GSE1: variants seen among roughly 807,000 people sequenced by gnomAD.
The protein encoded by GSE1 is genetic suppressor element 1.
In GSE1, 32 loss-of-function variants were observed where a neutral mutation model predicts 112.6. The observed-to-expected ratio is 0.28, with a 90% CI of 0.21 to 0.38. The LOEUF (loss-of-function observed/expected upper bound fraction) is 0.38. Ranked by LOEUF, GSE1 falls within the 10% of genes least tolerant of loss-of-function variation. The pLI, the probability that GSE1 is intolerant of heterozygous loss-of-function variation, is 1.00. For synonymous variants in GSE1, 1,115 were observed against 735.6 expected, an observed-to-expected ratio of 1.52 and a Z score of -8.35; for missense variants, 2,348 against 1,699.2, an observed-to-expected ratio of 1.38 and a Z score of -6.71.
At chr16:85,437,785 G>T (rs1282622689) in intron 2 of GSE1, among the ~76,000 whole-genome samples, 3 of 152,144 alleles carry the variant, frequency 2.0e-5, no homozygotes, top group Non-Finnish European at 4.4e-5. Flanking sequence ...GAACACCACC[G>T]CCTAGAGCTA....
At chr16:85,218,083 G>A (rs1167508141) in intron 1 of GSE1, among the ~76,000 whole-genome samples, 1 of 151,972 alleles carries the variant, frequency 6.6e-6, no homozygotes, top group Non-Finnish European at 1.5e-5. Context: ...TGTATTTTTA[G>A]TAGAGATGGG....
chr16:85,491,620 C>T (rs1205323490), intron 2 of GSE1, among the ~76,000 whole-genome samples: 3 of 151,994 alleles, frequency 2.0e-5, no homozygotes, highest in East Asian at 1.9e-4. Context: ...TGGGCTCAGG[C>T]GGGGTCATGG....
Position 85,663,007 on chromosome 16 carries a change from T to TA in GSE1, c.2288dup (p.Tyr763Ter). Residue 763 changes from tyrosine (Y) to a stop codon, truncating the protein, a stop_gained and frameshift_variant, in exon 10 of 16, where the codon TAC becomes TAAC. Coordinates refer to ENST00000253458, the MANE Select transcript of GSE1 (RefSeq NM_014615.5). LOFTEE classifies it high-confidence loss of function. ...GTACTACTACGACCTCGATGACTCTTACGACGAGAGCGATGAGGAGGAGGT... is the reference window on the plus strand; with the variant it reads ...GTACTACTACGACCTCGATGACTCTTAACGACGAGAGCGATGAGGAGGAGGT... ...KGYYYDLDDS[Y>*]DESDEEEVRA... 6.2e-7 allele frequency: 1 copy of TA among 1,612,644 alleles called. No individual in the cohort carries two copies. Among genetic ancestry groups the TA allele is most frequent in the Non-Finnish European group, 8.5e-7 (1 of 1,179,114 alleles).
intron 14 of GSE1, 114 bp from the exon 15 acceptor site, chr16:85,670,880 GC>G: frequency 1.5e-6 from 1 of 677,716 alleles, no homozygotes; most frequent in South Asian, 1.7e-5. Flanking sequence ...GCCTTCGCTG[GC>G]TGCACTGGAG....
At chr16:85,539,428 C>A (rs953169030) in intron 2 of GSE1, among the ~76,000 whole-genome samples, 5 of 152,198 alleles carry the variant, frequency 3.3e-5, no homozygotes, top group African/African-American at 1.2e-4. Context: ...ACAAAAGCTG[C>A]CTGTTCAGCT....
chr16:85,311,520 G>C lies in GSE1; in HGVS notation c.2284-45943G>C, dbSNP rs1030846661. Among the ~76,000 whole-genome samples, 3 of 150,088 alleles carry C rather than the reference G, an allele frequency of 2.0e-5. No individual in the cohort carries two copies. Among genetic ancestry groups the C allele is most frequent in the Non-Finnish European group, 3.0e-5 (2 of 67,498 alleles). On this transcript the variant is annotated intron_variant, in intron 1 of 2. Coordinates refer to the GSE1 transcript ENST00000637419. This position sits in a 1 kb window ranked among gnomAD's most constrained non-coding sequence, Gnocchi z 4.2. The stretch of plus-strand genomic sequence containing the variant: ...GACATTGGGGAGGGAGGGAGGGAGG[G>C]AAGGAGGTGCCGGGGTGCTCACCTT...
At chr16:85,539,669 G>A (rs17801962) in intron 2 of GSE1, among the ~76,000 whole-genome samples, 27,135 of 152,110 alleles carry the variant, frequency 0.18, 3,057 homozygotes, top group Middle Eastern at 0.27. Flanking sequence ...TAGCGCCTGC[G>A]TTCACACAGA....
intron 1 of GSE1, among the ~76,000 whole-genome samples, chr16:85,323,559 G>C (rs2046161632): frequency 6.6e-6 from 1 of 152,142 alleles, no homozygotes. Context: ...GCTCGCGGGA[G>C]GTGAGGTGGG....
At chr16:85,570,868 C>T (rs2045953734) in intron 1 of GSE1, among the ~76,000 whole-genome samples, 1 of 152,184 alleles carries the variant, frequency 6.6e-6, no homozygotes, top group Non-Finnish European at 1.5e-5. Flanking sequence ...GCCACTGACT[C>T]CAAGTTTCTG....
rs1472895120 is a variant in GSE1 at position 85,674,488 on chromosome 16, AAACT to A, written c.*1951_*1954del. The A allele has an allele frequency of 1.3e-5, 2 of 152,338 alleles. No homozygotes were observed. Among genetic ancestry groups the A allele is most frequent in the Non-Finnish European group, 2.9e-5 (2 of 68,050 alleles). The allele number at this position is 152,338 out of a possible 1,614,324, so 9.4% of individuals were successfully genotyped here. ...CAGGTGTTCAGAGGGAGTCTGCTAC[AAACT>A]ATCAGGGCAAAATCTCACTGGATTT... On this transcript the variant is annotated 3_prime_UTR_variant, in exon 16 of 16. Coordinates refer to ENST00000253458, the MANE Select transcript of GSE1 (RefSeq NM_014615.5).
chr16:85,353,604 C>G (rs899233381), intron 1 of GSE1, among the ~76,000 whole-genome samples: 1 of 152,174 alleles, frequency 6.6e-6, no homozygotes, highest in Admixed American at 6.5e-5. Flanking sequence ...GAAGCTGAGG[C>G]AGGAGGATCA....
At chr16:85,581,341 A>G (rs934695784) in intron 1 of GSE1, among the ~76,000 whole-genome samples, 10 of 152,160 alleles carry the variant, frequency 6.6e-5, no homozygotes, top group South Asian at 2.1e-4. Context: ...TGGGACCTTG[A>G]TGTCTTCAGG....
At chr16:85,173,471 A>G (rs567290176) in intron 1 of GSE1, among the ~76,000 whole-genome samples, 21 of 152,286 alleles carry the variant, frequency 1.4e-4, no homozygotes, top group African/African-American at 4.8e-4. Flanking sequence ...GATGCTTGAC[A>G]TATAGTGGGA....
intron 1 of GSE1, among the ~76,000 whole-genome samples, chr16:85,219,527 A>G (rs548111645): frequency 1.3e-5 from 2 of 151,918 alleles, no homozygotes; most frequent in East Asian, 2.0e-4. Flanking sequence ...ACCACCTTGC[A>G]CTCTCTAGAA....
intron 2 of GSE1, among the ~76,000 whole-genome samples, chr16:85,525,277 C>T (rs1052776721): frequency 6.6e-6 from 1 of 152,132 alleles, no homozygotes; most frequent in East Asian, 1.9e-4. Flanking sequence ...GTGAGGTGAC[C>T]GCCGGGGGCA....
Position 85,194,199 on chromosome 16 carries a change from C to T in GSE1, c.2283+22392C>T, listed in dbSNP as rs374276885. Among the ~76,000 whole-genome samples, 178 of 152,228 alleles carry T rather than the reference C, an allele frequency of 1.2e-3. 1 individual carries two copies. The Middle Eastern group carries it at 0.014, about 12-fold the overall frequency. ...TTGCTGCTGTTCTTGGACTCCGTGT[C>T]CGGGCGCCCTTGTGGTCTCTGCTGC... On this transcript the variant is annotated intron_variant, in intron 1 of 2. Transcript: ENST00000637419.
Position 85,656,652 on chromosome 16 carries a change from C to G in GSE1, c.1299C>G (p.Thr433=). The change falls in exon 7 of 16, where the codon ACC becomes ACG. Residue 433 remains threonine, a synonymous_variant. Transcript: ENST00000253458. ...GGGGCAAGCCCTCGGAGCAGCTGACCCCAACCCGAGCAGGTACCTGGGCGT... is the reference window on the plus strand; with the variant it reads ...GGGGCAAGCCCTCGGAGCAGCTGACGCCAACCCGAGCAGGTACCTGGGCGT... The part of the protein sequence containing the change: ...EERGKPSEQL[T]PTRAEKLKDA... 1 of 1,521,926 alleles carries G rather than the reference C, an allele frequency of 6.6e-7. No individual in the cohort carries two copies. The highest frequency in any genetic ancestry group is 1.2e-5 in the South Asian group (1 of 81,436). 94.3% of individuals were successfully genotyped at this position (1,521,926 alleles called of 1,614,324 possible).
intron 1 of GSE1, among the ~76,000 whole-genome samples, chr16:85,193,957 G>T (rs567907011): frequency 3.6e-4 from 55 of 151,932 alleles, no homozygotes; most frequent in Non-Finnish European, 6.6e-4. Context: ...ACATGCACTT[G>T]TGTGTGTGTG....
chr16:85,465,008 A>G (rs1296449632), intron 2 of GSE1, among the ~76,000 whole-genome samples: 1 of 152,174 alleles, frequency 6.6e-6, no homozygotes, highest in Admixed American at 6.5e-5. Flanking sequence ...CTCGTTTTTC[A>G]GGGTCACACA....
Sources: gnomAD v4.1 joint callset for allele counts (sites outside exome capture counted in the v4.1 genomes callset) on GRCh38, gnomAD v4.1.1 for gene constraint, Gnocchi (gnomAD v3.1) non-coding constraint, MANE v1.5 for transcripts, NCBI Gene and HGNC (gene_info 2026-07-23, HGNC 2026-07-21) for gene names.